GDA: variants seen among roughly 807,000 people sequenced by gnomAD.
GDA encodes the protein guanine deaminase.
A neutral mutation model predicts 59.6 loss-of-function variants in GDA; 18 were observed. The observed-to-expected ratio is 0.30, with a 90% CI of 0.21 to 0.45. The LOEUF (loss-of-function observed/expected upper bound fraction) is 0.45, where lower values mean the gene tolerates loss of function less well. Ranked by LOEUF, GDA falls within the 20% of genes least tolerant of loss-of-function variation. The pLI is 1.00. For synonymous variants in GDA, 201 were observed against 201.1 expected (o/e 1.00, Z 0.00); for missense variants, 427 against 552.3 (o/e 0.77, Z 2.27).
At chr9:72,200,079 GC>G (rs1263848448) in intron 2 of GDA, among the ~76,000 whole-genome samples, 1 of 143,514 alleles carries the variant, frequency 7.0e-6, no homozygotes, top group African/African-American at 2.6e-5. Flanking sequence ...CTCACCTCAA[GC>G]TCCGCCTCCC....
intron 1 of GDA, among the ~76,000 whole-genome samples, chr9:72,134,313 T>G (rs1164640461): frequency 2.6e-5 from 4 of 152,146 alleles, no homozygotes; most frequent in Admixed American, 2.6e-4. Flanking sequence ...CTGCTCTAAC[T>G]AGCTCCCTGA....
intron 7 of GDA, among the ~76,000 whole-genome samples, chr9:72,224,247 A>G (rs1009092569): frequency 6.6e-6 from 1 of 152,210 alleles, no homozygotes; most frequent in Non-Finnish European, 1.5e-5. Flanking sequence ...GGATGTATGC[A>G]CATTTACTCA....
chr9:72,223,138 A>G lies in GDA; in HGVS notation c.625A>G (p.Ile209Val). The G allele has an allele frequency of 1.3e-6, 2 of 1,597,932 alleles. No individual in the cohort carries two copies. Among genetic ancestry groups the G allele is most frequent in the South Asian group, 1.1e-5 (1 of 90,714 alleles). The change falls in exon 7 of 14, where the codon ATA becomes GTA. Residue 209 changes from isoleucine to valine, a missense_variant. Transcript: ENST00000358399. ...TCTCCAGTATTCTAGAGTGAAGCCC[A>G]TAGTGACACCACGTTTTTCCCTCTC... is the stretch of plus-strand genomic sequence containing the variant. ...LQKNYSRVKP[I>V]VTPRFSLSCS... is the part of the protein sequence containing the mutation.
chr9:72,149,951 G>A (rs1275063982), intron 1 of GDA, among the ~76,000 whole-genome samples: 1 of 152,224 alleles, frequency 6.6e-6, no homozygotes, highest in Admixed American at 6.5e-5. Context: ...GGTAGAGCCG[G>A]GAGCAAGGAT....
chr9:72,135,566 G>T (rs1014730045), intron 1 of GDA, among the ~76,000 whole-genome samples: 7 of 152,098 alleles, frequency 4.6e-5, no homozygotes, highest in African/African-American at 1.7e-4. Context: ...TACGAGGAAG[G>T]TGTGCTGCTT....
intron 2 of GDA, among the ~76,000 whole-genome samples, chr9:72,198,374 C>T (rs1241169929): frequency 6.6e-6 from 1 of 151,550 alleles, no homozygotes; most frequent in Non-Finnish European, 1.5e-5. Flanking sequence ...CCCATCTCTA[C>T]TAAAAATACA....
intron 1 of GDA, among the ~76,000 whole-genome samples, chr9:72,123,422 A>G (rs569472777): frequency 6.8e-6 from 1 of 148,134 alleles, no homozygotes; most frequent in South Asian, 2.2e-4. Context: ...TGACCTTGTG[A>G]TCCGCCTGCC....
At chr9:72,228,957 C>G (rs977539633) in intron 9 of GDA, 17 of 151,990 alleles carry the variant, frequency 1.1e-4, no homozygotes, top group African/African-American at 4.1e-4. Context: ...AGTGTTGCAT[C>G]TAATTTCAGG....
At chr9:72,158,959 A>G (rs1828277000) in intron 1 of GDA, among the ~76,000 whole-genome samples, 1 of 152,152 alleles carries the variant, frequency 6.6e-6, no homozygotes, top group Non-Finnish European at 1.5e-5. Context: ...GGCTGCAGTC[A>G]CAGCAAATAA....
At chr9:72,146,945 C>T (rs1178396424), upstream of GDA, among the ~76,000 whole-genome samples, 1 of 152,096 alleles carries the variant, frequency 6.6e-6, no homozygotes, top group East Asian at 1.9e-4. Flanking sequence ...ACCTGAGGAG[C>T]ACTAATGCCA....
In GDA at chr9:72,231,198, T is replaced by C; in HGVS notation, c.988+17T>C. ...TGGGTACAGGTTAGTAGTTCACCAT[T>C]TGGAGCTATGGCAAAGTGGTTGATT... On this transcript the variant is annotated intron_variant, in intron 10 of 13. Transcript: ENST00000358399. 6.0e-6 allele frequency: 8 copies of C among 1,344,360 alleles called. No individual in the cohort carries two copies. The highest frequency in any genetic ancestry group is 7.5e-6 in the Non-Finnish European group (7 of 933,938). The allele number at this position is 1,344,360 out of a possible 1,614,324, so 83.3% of individuals were successfully genotyped here. A position where few individuals can be genotyped will look rare whatever the true frequency, so the allele number is the denominator to read the frequency against.
chr9:72,131,482 C>T (rs1459096346), intron 1 of GDA, among the ~76,000 whole-genome samples: 2 of 152,004 alleles, frequency 1.3e-5, no homozygotes, highest in African/African-American at 2.4e-5. Flanking sequence ...TCCACCCCCA[C>T]GATCCAGTCA....
At chr9:72,133,246 C>T (rs1428541160) in intron 1 of GDA, among the ~76,000 whole-genome samples, 3 of 137,788 alleles carry the variant, frequency 2.2e-5, no homozygotes, top group East Asian at 2.1e-4. Context: ...ACCGAGATAG[C>T]GCCACTGCAC....
At chr9:72,255,516 C>T (rs1331604634), downstream of GDA, among the ~76,000 whole-genome samples, 1 of 152,196 alleles carries the variant, frequency 6.6e-6, no homozygotes, top group African/African-American at 2.4e-5. Context: ...TTGTGCCTGT[C>T]TCCTACCTCA....
chr9:72,163,857 A>T (rs1828962114), intron 1 of GDA, among the ~76,000 whole-genome samples: 1 of 152,116 alleles, frequency 6.6e-6, no homozygotes, highest in African/African-American at 2.4e-5. Flanking sequence ...CAGGTGCAGG[A>T]GGCAGTTTCA....
Position 72,227,427 on chromosome 9 carries a change from T to TA in GDA, c.823-515dup, listed in dbSNP as rs549910265. 3.9e-4 allele frequency among the ~76,000 whole-genome samples: 60 copies of TA among 152,252 alleles called. 3 individuals are homozygous for TA. In the East Asian group the frequency reaches 0.011, roughly 27 times the overall value. ...TGAAAATATCAAGGCCATTGGCACT[T>TA]ACATTGAAGCTAGGAGCAGAAATAA... On this transcript the variant is annotated intron_variant, in intron 8 of 13. Transcript: ENST00000358399.
At chr9:72,131,050 G>T (rs187033235) in intron 1 of GDA, among the ~76,000 whole-genome samples, 1 of 152,314 alleles carries the variant, frequency 6.6e-6, no homozygotes, top group African/African-American at 2.4e-5. Context: ...CAGTGCAATT[G>T]GTTGGCTGTG....
intron 1 of GDA, among the ~76,000 whole-genome samples, chr9:72,142,278 A>G (rs1222666947): frequency 1.3e-5 from 2 of 152,150 alleles, no homozygotes; most frequent in Admixed American, 1.3e-4. Flanking sequence ...AACTTAAGGT[A>G]TGTAAGTAGC....
At chr9:72,150,123 G>A (rs1328929624) in intron 1 of GDA, among the ~76,000 whole-genome samples, 2 of 152,274 alleles carry the variant, frequency 1.3e-5, no homozygotes, top group East Asian at 1.9e-4. Context: ...TAAGAGGAGG[G>A]GGTCATTTGA....
Sources: gnomAD v4.1 joint callset for allele counts (sites outside exome capture counted in the v4.1 genomes callset) on GRCh38, gnomAD v4.1.1 for gene constraint, MANE v1.5 for transcripts, NCBI Gene and HGNC (gene_info 2026-07-23, HGNC 2026-07-21) for gene names.